The following LMO7 variants were observed in gnomAD, a reference collection of about 807,000 sequenced individuals.
The protein encoded by LMO7 is LIM domain 7.
A neutral mutation model predicts 206.5 loss-of-function variants in LMO7; 120 were observed. The observed-to-expected ratio is 0.58, with a 90% confidence interval of 0.50 to 0.68. The LOEUF (loss-of-function observed/expected upper bound fraction) is 0.68, where lower values mean the gene tolerates loss of function less well. LMO7 is among the 30% of genes least tolerant of loss of function. LMO7 has a pLI of 0.00. For missense variants in LMO7, 1,959 were observed against 1,957.9 expected (o/e 1.00, Z -0.01); for synonymous variants, 706 against 681.5 (o/e 1.04, Z -0.56).
At chr13:75,623,148 A>G (rs1341345144) in intron 1 of LMO7, 1 of 587,528 alleles carries the variant, frequency 1.7e-6, no homozygotes, top group African/African-American at 1.9e-5. Context: ...TCTCTACTAA[A>G]TAGTATCATG....
chr13:75,778,287 C>CA (rs1287142299), intron 4 of LMO7, among the ~76,000 whole-genome samples: 1 of 151,918 alleles, frequency 6.6e-6, no homozygotes, highest in Non-Finnish European at 1.5e-5. Flanking sequence ...GGCTGGAGTG[C>CA]AGTGGTGCGA....
At chr13:75,706,121 T>C (rs999789030) in intron 1 of LMO7, among the ~76,000 whole-genome samples, 1 of 152,202 alleles carries the variant, frequency 6.6e-6, no homozygotes, top group South Asian at 2.1e-4. Flanking sequence ...AATCTCCATT[T>C]CACAAATGGG....
At chr13:75,685,605 T>C (rs1238924842) in intron 1 of LMO7, among the ~76,000 whole-genome samples, 1 of 138,372 alleles carries the variant, frequency 7.2e-6, no homozygotes, top group Non-Finnish European at 1.6e-5. Context: ...GCTCATTGTT[T>C]ATACCAAAAT....
chr13:75,775,308 T>G (rs2050229650), intron 4 of LMO7, among the ~76,000 whole-genome samples: 1 of 151,894 alleles, frequency 6.6e-6, no homozygotes, highest in East Asian at 1.9e-4. Context: ...AAAAATTAAC[T>G]CAAGGTGGAT....
intron 11 of LMO7, among the ~76,000 whole-genome samples, chr13:75,814,874 A>AG (rs2056811584): frequency 6.6e-6 from 1 of 152,140 alleles, no homozygotes; most frequent in African/African-American, 2.4e-5. Flanking sequence ...ATTGAATAGT[A>AG]GGGGGAAAAG....
rs1240937141 is a variant in LMO7, at chr13:75,626,595, A to ATTTTTTTTTT, written c.225+3282_225+3283insTTTTTTTTTT. Among the ~76,000 whole-genome samples the ATTTTTTTTTT allele has an allele frequency of 6.1e-3, 436 of 71,116 alleles. 38 individuals are homozygous for ATTTTTTTTTT. The highest frequency in any genetic ancestry group is 0.013 in the Non-Finnish European group (352 of 27,560). The allele number at this position is 71,116 out of a possible 152,430, so 46.7% of individuals were successfully genotyped here. On this transcript the variant is annotated intron_variant, in intron 2 of 29. Transcript: ENST00000341547. The stretch of plus-strand genomic sequence containing the variant: ...ATATATATTATATATATATATATAA[A>ATTTTTTTTTT]TTTTTTTGAGACAGGGTCTCACTCT...
intron 1 of LMO7, chr13:75,688,494 G>A (rs1464171645): frequency 6.6e-6 from 1 of 152,188 alleles, no homozygotes; most frequent in Non-Finnish European, 1.5e-5. Context: ...ACACAAGCAG[G>A]AACATCTTTT....
chr13:75,841,914 C>T lies in LMO7; in HGVS notation c.3962C>T (p.Pro1321Leu), dbSNP rs374778135. 4 of 1,613,662 alleles carry T rather than the reference C, an allele frequency of 2.5e-6. No individual in the cohort carries two copies. Among genetic ancestry groups the T allele is most frequent in the Admixed American group, 1.7e-5 (1 of 60,010 alleles). ...LQAEAEEQKRPAEEQKRQAEI... is the reference protein window; with the variant it reads ...LQAEAEEQKRLAEEQKRQAEI... Reference sequence around the variant, plus strand: ...GCTGAGGCTGAGGAGCAGAAGCGTCCTGCGGAGGAGCAGAAGCGCCAGGCA... The same window carrying T: ...GCTGAGGCTGAGGAGCAGAAGCGTCTTGCGGAGGAGCAGAAGCGCCAGGCA... Residue 1321 changes from proline (P) to leucine (L), a missense_variant, in exon 24 of 31, where the codon CCT (proline) becomes CTT (leucine). Pro to Leu is a moderately conservative substitution (Grantham distance 98, BLOSUM62 -3). Transcript: ENST00000377534.
chr13:75,736,797 G>C (rs535920119), intron 3 of LMO7, among the ~76,000 whole-genome samples: 1 of 152,220 alleles, frequency 6.6e-6, no homozygotes, highest in Non-Finnish European at 1.5e-5. Flanking sequence ...AGAAGCCTTA[G>C]TTGACACTTC....
chr13:75,821,608 C>A lies in LMO7; in HGVS notation c.2639C>A (p.Thr880Lys), dbSNP rs774756205. Residue 880 changes from threonine (T) to lysine (K), a missense_variant and splice_region_variant, in exon 14 of 31, where the codon ACG becomes AAG. By Grantham distance (78) the Thr-to-Lys change is moderately conservative (BLOSUM62 -1). Transcript: ENST00000377534. ...ATCTCATCACTCCCCAGATCTTACACGGTAAAAAATGTTCTCGGTTCATTT... is the reference window on the plus strand; with the variant it reads ...ATCTCATCACTCCCCAGATCTTACAAGGTAAAAAATGTTCTCGGTTCATTT... ...RGISSLPRSY[T>K]MDDAWKYNGD... The A allele has an allele frequency of 1.4e-5, 23 of 1,606,250 alleles. No individual in the cohort carries two copies. The highest frequency in any genetic ancestry group is 1.9e-5 in the Non-Finnish European group (22 of 1,175,222).
At chr13:75,799,202 AT>A (rs2054421529) in intron 6 of LMO7, among the ~76,000 whole-genome samples, 1 of 152,220 alleles carries the variant, frequency 6.6e-6, no homozygotes, top group Non-Finnish European at 1.5e-5. Flanking sequence ...TGAATCATGA[AT>A]TGACGGTATT....
chr13:75,787,281 CA>C (rs1460833623), intron 4 of LMO7, among the ~76,000 whole-genome samples: 2 of 152,134 alleles, frequency 1.3e-5, no homozygotes, highest in Non-Finnish European at 2.9e-5. Flanking sequence ...AAGCATTTTA[CA>C]AAAAGTAGAA....
intron 1 of LMO7, among the ~76,000 whole-genome samples, chr13:75,679,140 A>G (rs2040271023): frequency 6.6e-6 from 1 of 152,230 alleles, no homozygotes; most frequent in African/African-American, 2.4e-5. Flanking sequence ...ACACATATAT[A>G]GAGCACCTTG....
intron 3 of LMO7, among the ~76,000 whole-genome samples, chr13:75,731,409 G>C (rs571369692): frequency 6.6e-6 from 1 of 152,088 alleles, no homozygotes; most frequent in Non-Finnish European, 1.5e-5. Flanking sequence ...CTTTTGATCT[G>C]TGTTGGTTTA....
intron 26 of LMO7, among the ~76,000 whole-genome samples, chr13:75,846,378 T>C (rs1008877216): frequency 2.0e-5 from 3 of 152,198 alleles, no homozygotes; most frequent in East Asian, 1.9e-4. Context: ...TGTTAATGGG[T>C]CCGTAACTAT....
At chr13:75,681,798 A>G (rs2040559045) in intron 1 of LMO7, among the ~76,000 whole-genome samples, 1 of 145,504 alleles carries the variant, frequency 6.9e-6, no homozygotes, top group Admixed American at 7.3e-5. Flanking sequence ...TTCACTTAGC[A>G]TAATGTATTT....
intron 1 of LMO7, among the ~76,000 whole-genome samples, chr13:75,681,718 G>GTATATATATATATATATATATATATATA (rs71127572): frequency 5.6e-4 from 59 of 104,518 alleles, no homozygotes; most frequent in South Asian, 1.0e-3. Flanking sequence ...ATATATATAT[G>GTATATATATATATATATATATATATATA]TATATATATA....
chr13:75,814,865 T>C (rs1161769355), intron 11 of LMO7, among the ~76,000 whole-genome samples: 1 of 151,854 alleles, frequency 6.6e-6, no homozygotes, highest in African/African-American at 2.4e-5. Context: ...TCCAGGCAGA[T>C]TGAATAGTAG....
intron 1 of LMO7, among the ~76,000 whole-genome samples, chr13:75,696,124 A>G (rs2041882742): frequency 6.6e-6 from 1 of 152,238 alleles, no homozygotes; most frequent in Non-Finnish European, 1.5e-5. Flanking sequence ...TGGGAGGTCA[A>G]GGCGGGTGGA....
Sources: allele counts gnomAD v4.1 joint callset (sites outside exome capture counted in the v4.1 genomes callset), GRCh38; gene constraint gnomAD v4.1.1; transcripts MANE v1.5; gene names NCBI Gene and HGNC (gene_info 2026-07-23, HGNC 2026-07-21).